PAQR7: variants seen among roughly 807,000 people sequenced by gnomAD.
The protein encoded by PAQR7 is membrane progestin receptor alpha.
A neutral mutation model predicts 24.6 loss-of-function variants in PAQR7; 14 were observed. The ratio of observed to expected loss-of-function variants is 0.57; its 90% CI spans 0.38 to 0.89. The LOEUF is 0.89. Ranked by LOEUF, PAQR7 falls within the 40% of genes least tolerant of loss-of-function variation. The pLI, the probability that PAQR7 is intolerant of heterozygous loss-of-function variation, is 0.00. For missense variants in PAQR7, 351 were observed against 444.0 expected (o/e 0.79, Z 1.88); for synonymous variants, 189 against 198.8 (o/e 0.95, Z 0.42).
Position 25,862,281 on chromosome 1 carries a change from T to C in PAQR7, c.*518A>G, listed in dbSNP as rs910556754. 1.1e-4 allele frequency: 17 copies of C among 157,156 alleles called. No individual in the cohort carries two copies. Among genetic ancestry groups the C allele is most frequent in the African/African-American group, 3.8e-4 (16 of 41,598 alleles). The allele number at this position is 157,156 out of a possible 1,614,324, so 9.7% of individuals were successfully genotyped here. On this transcript the variant is annotated 3_prime_UTR_variant, in exon 3 of 3. Transcript: ENST00000675840. ...CCCATTTGTATCTGGCACAATCTAC[T>C]ACCTTTGGGGTCTCTCTGCAGCTCC...
At chr1:25,871,567 C>T (rs2048605899) in intron 1 of PAQR7, among the ~76,000 whole-genome samples, 1 of 151,996 alleles carries the variant, frequency 6.6e-6, no homozygotes, top group Non-Finnish European at 1.5e-5. Context: ...TCACCCCTCC[C>T]AATTCATATT....
intron 1 of PAQR7, among the ~76,000 whole-genome samples, chr1:25,871,633 C>G (rs1467146393): frequency 6.6e-6 from 1 of 152,112 alleles, no homozygotes; most frequent in Non-Finnish European, 1.5e-5. Context: ...CTTGCAAGCC[C>G]CAGCCTGCTC....
Position 25,862,769 on chromosome 1 carries a change from A to G in PAQR7, c.*30T>C. The G allele has an allele frequency of 6.3e-7, 1 of 1,587,832 alleles. No individual in the cohort carries two copies. The highest frequency in any genetic ancestry group is 2.2e-5 in the East Asian group (1 of 44,670). On this transcript the variant is annotated 3_prime_UTR_variant, in exon 3 of 3. Coordinates refer to ENST00000675840, the MANE Select transcript of PAQR7 (RefSeq NM_178422.6). ...ACCCAGACCCCTGTCCCCCAACTAT[A>G]CCTCCCTCCCTACCAGATGCCATCC...
intron 2 of PAQR7, among the ~76,000 whole-genome samples, chr1:25,867,523 C>T (rs1427001065): frequency 1.3e-5 from 2 of 152,240 alleles, no homozygotes; most frequent in Non-Finnish European, 2.9e-5. Flanking sequence ...AAATAAATTC[C>T]CTCCAAGCTT....
In PAQR7 at chr1:25,868,148, G is replaced by C. The variant is rs182901122; in HGVS notation, c.-23+2461C>G. On this transcript the variant is annotated intron_variant, in intron 2 of 2. Coordinates refer to ENST00000675840, the MANE Select transcript of PAQR7 (RefSeq NM_178422.6). ...TTTGTCTTCCCAACTGAGAACCTTG[G>C]GGGGACCAGAAAAGACCTCTGAAAG... Among the ~76,000 whole-genome samples the C allele has an allele frequency of 5.3e-4, 80 of 152,266 alleles. 1 individual carries two copies. Among genetic ancestry groups the C allele is most frequent in the Non-Finnish European group, 5.6e-4 (38 of 68,022 alleles).
At chr1:25,873,586 TTTC>T (rs1204053930) in intron 1 of PAQR7, among the ~76,000 whole-genome samples, 5 of 152,090 alleles carry the variant, frequency 3.3e-5, no homozygotes, top group Non-Finnish European at 7.3e-5. Context: ...TAAGTAACTA[TTTC>T]TTTTCTTGAG....
At chr1:25,864,728 G>A (rs2048542702) in intron 2 of PAQR7, among the ~76,000 whole-genome samples, 1 of 152,090 alleles carries the variant, frequency 6.6e-6, no homozygotes. Flanking sequence ...GCATGTGCCT[G>A]TAGTCCCAGC....
chr1:25,874,527 A>C (rs1292677965), intron 1 of PAQR7, among the ~76,000 whole-genome samples: 1 of 152,092 alleles, frequency 6.6e-6, no homozygotes, highest in East Asian at 1.9e-4. Context: ...CAGAGAAACT[A>C]AGGCTGGAGA....
chr1:25,864,055 T>C (rs1183221354), intron 2 of PAQR7, among the ~76,000 whole-genome samples, 194 bp from the exon 3 acceptor site: 1 of 152,176 alleles, frequency 6.6e-6, no homozygotes, highest in African/African-American at 2.4e-5. Context: ...CCCTGATGTA[T>C]TCCAGGTACC....
chr1:25,864,898 TG>T (rs1033152439), intron 2 of PAQR7, among the ~76,000 whole-genome samples: 6 of 152,076 alleles, frequency 3.9e-5, no homozygotes, highest in Non-Finnish European at 8.8e-5. Flanking sequence ...GGCTCACATC[TG>T]TAATCCCAGC....
chr1:25,863,447 A>C lies in PAQR7; in HGVS notation c.393T>G (p.Ser131=). 6.2e-7 allele frequency: 1 copy of C among 1,614,246 alleles called. No homozygotes were observed. The highest frequency in any genetic ancestry group is 8.5e-7 in the Non-Finnish European group (1 of 1,180,036). The change falls in exon 3 of 3, where the codon TCT becomes TCG. Residue 131 remains serine, a synonymous_variant. Transcript: ENST00000675840. This position sits in a 1 kb window ranked among gnomAD's most constrained non-coding sequence, Gnocchi z 6.1. ...AGAAGAAGCTGTAATGCCAGAACTC[A>C]GACTTGGCCTGCAGGAGGTGAGCCA... ...SALAHLLQAK[S]EFWHYSFFFL... is the part of the protein sequence containing the mutation.
chr1:25,866,170 G>A (rs1175120616), intron 2 of PAQR7, among the ~76,000 whole-genome samples: 1 of 151,806 alleles, frequency 6.6e-6, no homozygotes, highest in Non-Finnish European at 1.5e-5. Flanking sequence ...ATGGTTGCTA[G>A]TTCCAAATAA....
rs150276245 is a variant in PAQR7 at position 25,873,917 on chromosome 1, C to G, written c.-109+1571G>C. 7.9e-5 allele frequency among the ~76,000 whole-genome samples: 12 copies of G among 152,196 alleles called. 1 individual carries two copies. In the East Asian group the frequency reaches 2.3e-3, roughly 29 times the overall value. On this transcript the variant is annotated intron_variant, in intron 1 of 2. Transcript: ENST00000675840. ...TTATTTTTTGAGACAAAGTTTCACT[C>G]TTGTTGCCCAGGCTGAAGTACAATG...
At chr1:25,869,652 G>A (rs2048588126) in intron 2 of PAQR7, among the ~76,000 whole-genome samples, 1 of 151,970 alleles carries the variant, frequency 6.6e-6, no homozygotes, top group Non-Finnish European at 1.5e-5. Context: ...GTGGAGCCAG[G>A]ACTGGGCTGT....
intron 2 of PAQR7, among the ~76,000 whole-genome samples, chr1:25,865,102 G>A (rs1348478849): frequency 6.0e-5 from 9 of 149,860 alleles, no homozygotes; most frequent in East Asian, 2.0e-4. Context: ...CCTGCAGTGC[G>A]CGCCACTGCA....
intron 2 of PAQR7, among the ~76,000 whole-genome samples, chr1:25,868,372 T>C (rs1448584960): frequency 6.6e-6 from 1 of 152,154 alleles, no homozygotes; most frequent in Non-Finnish European, 1.5e-5. Context: ...CTGTGCTCCA[T>C]ATCCCACTCT....
rs368746687 is a variant in PAQR7, at chr1:25,863,198, G to A, written c.642C>T (p.Tyr214=). 1.4e-4 allele frequency: 218 copies of A among 1,614,248 alleles called. No homozygotes were observed. The highest frequency in any genetic ancestry group is 1.8e-4 in the Non-Finnish European group (207 of 1,180,044). Residue 214 remains tyrosine, a synonymous_variant, in exon 3 of 3, where the codon TAC becomes TAT. Coordinates refer to ENST00000675840, the MANE Select transcript of PAQR7 (RefSeq NM_178422.6). The surrounding 1 kb of genome is among the most constrained non-coding windows in gnomAD (Gnocchi z 6.1). ...TCQEVPSVLA[Y]ALDISPVVHR... Reference sequence around the variant, plus strand: ...GCACCACAGGACTAATGTCCAGTGCGTAGGCCAGGACGGAGGGCACCTCCT... The same window carrying A: ...GCACCACAGGACTAATGTCCAGTGCATAGGCCAGGACGGAGGGCACCTCCT...
At chr1:25,873,978 G>T (rs2048625439) in intron 1 of PAQR7, among the ~76,000 whole-genome samples, 1 of 152,112 alleles carries the variant, frequency 6.6e-6, no homozygotes. Flanking sequence ...CCGCCTCCCG[G>T]CTTCAAGCGA....
At position 25,863,444 on chromosome 1, in the gene PAQR7, C is replaced by A. The variant is rs376335279; in HGVS notation, c.396G>T (p.Glu132Asp). ...GGAAGAAGAAGCTGTAATGCCAGAA[C>A]TCAGACTTGGCCTGCAGGAGGTGAG... Reference protein sequence around the residue: ...ALAHLLQAKSEFWHYSFFFLD... With the variant: ...ALAHLLQAKSDFWHYSFFFLD... Residue 132 changes from glutamate (E) to aspartate (D), a missense_variant, in exon 3 of 3, where the codon GAG becomes GAT. Physicochemically the swap from Glu to Asp is conservative, Grantham distance 45. Transcript: ENST00000675840. This position sits in a 1 kb window ranked among gnomAD's most constrained non-coding sequence, Gnocchi z 6.1. 1 of 1,614,092 alleles carries A rather than the reference C, an allele frequency of 6.2e-7. No individual in the cohort carries two copies. The highest frequency in any genetic ancestry group is 8.5e-7 in the Non-Finnish European group (1 of 1,180,032).
Sources: allele counts gnomAD v4.1 joint callset (sites outside exome capture counted in the v4.1 genomes callset), GRCh38; gene constraint gnomAD v4.1.1; non-coding constraint Gnocchi (gnomAD v3.1); transcripts MANE v1.5; gene names NCBI Gene and HGNC (gene_info 2026-07-23, HGNC 2026-07-21).